Variants in CSMD1 observed in about 807,000 individuals in gnomAD.
CSMD1 encodes the protein CUB and sushi domain-containing protein 1.
CSMD1 carries 213 observed loss-of-function variants against 417.5 expected under a neutral mutation model. The ratio of observed to expected loss-of-function variants is 0.51; its 90% confidence interval spans 0.46 to 0.57. The LOEUF (loss-of-function observed/expected upper bound fraction) is 0.57, where lower values mean the gene tolerates loss of function less well. Among genes scored for constraint, CSMD1 ranks in the 20% least tolerant of loss-of-function variants. The pLI, the probability that CSMD1 is intolerant of heterozygous loss-of-function variation, is 0.00. For missense variants in CSMD1, 6,923 were observed against 4,529.7 expected (o/e 1.53, Z -15.17); for synonymous variants, 2,862 against 1,736.8 (o/e 1.65, Z -16.11).
intron 1 of CSMD1, among the ~76,000 whole-genome samples, chr8:4,763,955 T>C (rs1027621790): frequency 4.6e-5 from 7 of 152,214 alleles, no homozygotes; most frequent in African/African-American, 1.4e-4. Flanking sequence ...ATGCCACTTA[T>C]GACATGTCAA....
intron 1 of CSMD1, among the ~76,000 whole-genome samples, chr8:4,917,919 A>G (rs940052986): frequency 6.6e-6 from 1 of 152,194 alleles, no homozygotes; most frequent in Non-Finnish European, 1.5e-5. Context: ...CTCTTAAGGC[A>G]TTTACAATCA....
At chr8:3,167,887 C>T (rs1166296922) in intron 37 of CSMD1, among the ~76,000 whole-genome samples, 2 of 152,062 alleles carry the variant, frequency 1.3e-5, no homozygotes. Flanking sequence ...CTTAAATCTT[C>T]CAGATAAAAA....
At chr8:4,050,797 G>C (rs1048950171) in intron 3 of CSMD1, among the ~76,000 whole-genome samples, 2 of 152,140 alleles carry the variant, frequency 1.3e-5, no homozygotes, top group African/African-American at 4.8e-5. Context: ...CCCTGAAACG[G>C]TGAATTTACC....
At position 3,099,278 on chromosome 8, in the gene CSMD1, T is replaced by C. The variant is rs117867628; in HGVS notation, c.6950-2241A>G. ...CTACACCCTCCTGTAAGTTCCTTCATCTAGCTACTGCCATAAACGTCACAA... is the reference window on the plus strand; with the variant it reads ...CTACACCCTCCTGTAAGTTCCTTCACCTAGCTACTGCCATAAACGTCACAA... On this transcript the variant is annotated intron_variant, in intron 46 of 69. Transcript: ENST00000635120. Among the ~76,000 whole-genome samples, 46 of 152,268 alleles carry C rather than the reference T, an allele frequency of 3.0e-4. 3 individuals carry two copies. The East Asian group carries it at 8.3e-3, about 27-fold the overall frequency.
chr8:3,217,535 TG>T (rs1005073252), intron 29 of CSMD1, among the ~76,000 whole-genome samples: 43 of 152,122 alleles, frequency 2.8e-4, no homozygotes, highest in Admixed American at 2.0e-4. Context: ...ATGATTTTGT[TG>T]GGGGCGTGGG....
In CSMD1 at chr8:4,758,697, GCAGGTAAGATAAAGAGAGTAAAAAGCC is replaced by G. The variant is rs539569269; in HGVS notation, c.86-121166_86-121140del. Reference sequence around the variant, plus strand: ...AATAGTGGACACATCTTACATGGCAGCAGGTAAGATAAAGAGAGTAAAAAGCCCAGGGGAAACTGCCATTAATGAAAC... The same window carrying G: ...AATAGTGGACACATCTTACATGGCAGCAGGGGAAACTGCCATTAATGAAAC... On this transcript the variant is annotated intron_variant, in intron 1 of 69. Transcript: ENST00000635120. Among the ~76,000 whole-genome samples the G allele has an allele frequency of 1.2e-3, 180 of 152,306 alleles. 2 individuals carry two copies. Among genetic ancestry groups the G allele is most frequent in the African/African-American group, 4.2e-3 (173 of 41,554 alleles).
rs767003325 is a variant in CSMD1, at chr8:3,118,495, C to T, written c.6334G>A (p.Glu2112Lys). 8 of 1,613,752 alleles carry T rather than the reference C, an allele frequency of 5.0e-6. No individual in the cohort carries two copies. The highest frequency in any genetic ancestry group is 4.5e-5 in the East Asian group (2 of 44,880). ...ATTAGAATGTACCCAGGATAACACTCGAAAGATACTGATTGCCCCACGCTG... is the reference window on the plus strand; with the variant it reads ...ATTAGAATGTACCCAGGATAACACTTGAAAGATACTGATTGCCCCACGCTG... ...DYSVGQSVSFECYPGYILIGH... is the reference protein window; with the variant it reads ...DYSVGQSVSFKCYPGYILIGH... The change falls in exon 42 of 70, where the codon GAG becomes AAG. Residue 2112 changes from glutamate to lysine, a missense_variant. Coordinates refer to ENST00000635120, the MANE Select transcript of CSMD1 (RefSeq NM_033225.6).
chr8:3,747,216 T>C (rs1033740699), intron 6 of CSMD1, among the ~76,000 whole-genome samples: 4 of 152,116 alleles, frequency 2.6e-5, no homozygotes, highest in African/African-American at 4.8e-5. Context: ...CCTTAATCTC[T>C]CCATTTCTCG....
At chr8:3,432,884 T>A (rs1814307644) in intron 12 of CSMD1, among the ~76,000 whole-genome samples, 1 of 152,180 alleles carries the variant, frequency 6.6e-6, no homozygotes, top group South Asian at 2.1e-4. Flanking sequence ...ATCAGAGTAA[T>A]GCCTAAACAC....
At chr8:4,461,756 T>G (rs184705637) in intron 2 of CSMD1, among the ~76,000 whole-genome samples, 1 of 147,584 alleles carries the variant, frequency 6.8e-6, no homozygotes, top group Non-Finnish European at 1.5e-5. Flanking sequence ...TTTTTTTTTT[T>G]TGGAGATGGA....
intron 7 of CSMD1, among the ~76,000 whole-genome samples, chr8:3,664,155 T>C (rs1184272642): frequency 6.6e-6 from 1 of 152,138 alleles, no homozygotes; most frequent in Non-Finnish European, 1.5e-5. Context: ...TAACATTAGG[T>C]ATTTCCCCTA....
intron 26 of CSMD1, among the ~76,000 whole-genome samples, chr8:3,282,100 T>C (rs1010088412): frequency 1.3e-5 from 2 of 152,172 alleles, no homozygotes; most frequent in African/African-American, 2.4e-5. Context: ...TAAACCTCTT[T>C]TCTTGATAAA....
Position 4,474,944 on chromosome 8 carries a change from T to C in CSMD1, c.303-54879A>G, listed in dbSNP as rs553581663. The stretch of plus-strand genomic sequence containing the variant: ...ACAAAATGTGTTAATTGACGGTTTG[T>C]GTTATCTGTAAGATTCCTGGTCAAC... On this transcript the variant is annotated intron_variant, in intron 2 of 69. Transcript: ENST00000635120. Among the ~76,000 whole-genome samples the C allele has an allele frequency of 1.5e-3, 226 of 152,340 alleles. 1 individual carries two copies. The highest frequency in any genetic ancestry group is 4.9e-3 in the African/African-American group (204 of 41,578).
chr8:4,027,890 T>A lies in CSMD1; in HGVS notation c.610+4015A>T, dbSNP rs113313077. On this transcript the variant is annotated intron_variant, in intron 4 of 69. Coordinates refer to ENST00000635120, the MANE Select transcript of CSMD1 (RefSeq NM_033225.6). ...TAAAGAGAACAAAGACACAGTAACT[T>A]TGATTTTTTTTCTGAGAGTGAGAAT... Among the ~76,000 whole-genome samples, 248 of 152,276 alleles carry A rather than the reference T, an allele frequency of 1.6e-3. 1 individual carries two copies. The highest frequency in any genetic ancestry group is 5.3e-3 in the African/African-American group (221 of 41,538).
chr8:3,518,871 G>A (rs559584016), intron 10 of CSMD1, among the ~76,000 whole-genome samples: 1 of 152,090 alleles, frequency 6.6e-6, no homozygotes, highest in Non-Finnish European at 1.5e-5. Flanking sequence ...TAACAAGACA[G>A]TCCTATTTAC....
Position 4,256,202 on chromosome 8 carries a change from C to G in CSMD1, c.415+163751G>C, listed in dbSNP as rs574651138. On this transcript the variant is annotated intron_variant, in intron 3 of 69. Coordinates refer to ENST00000635120, the MANE Select transcript of CSMD1 (RefSeq NM_033225.6). ...CCACTTCATTTGTTTGTGATTTGTC[C>G]TTACTCAAAGTAAGTGCATTTGTGC... Among the ~76,000 whole-genome samples the G allele has an allele frequency of 6.6e-5, 10 of 152,284 alleles. No individual in the cohort carries two copies. In the South Asian group the frequency reaches 2.1e-3, roughly 32 times the overall value.
intron 26 of CSMD1, among the ~76,000 whole-genome samples, chr8:3,260,173 G>C (rs1461135698): frequency 1.3e-5 from 2 of 152,068 alleles, no homozygotes; most frequent in African/African-American, 4.8e-5. Flanking sequence ...TAAGCAAATT[G>C]AAAAAGTGCT....
intron 26 of CSMD1, among the ~76,000 whole-genome samples, chr8:3,267,201 A>G (rs1490811635): frequency 6.6e-6 from 1 of 152,148 alleles, no homozygotes; most frequent in Non-Finnish European, 1.5e-5. Flanking sequence ...CAGAATTCCC[A>G]GGTAACAGGA....
chr8:4,816,630 G>A (rs1216065078), intron 1 of CSMD1, among the ~76,000 whole-genome samples: 2 of 152,180 alleles, frequency 1.3e-5, no homozygotes, highest in Admixed American at 1.3e-4. Context: ...GTGAACACCT[G>A]TTCCCGACCG....
Sources: gnomAD v4.1 joint callset for allele counts (sites outside exome capture counted in the v4.1 genomes callset) on GRCh38, gnomAD v4.1.1 for gene constraint, MANE v1.5 for transcripts, NCBI Gene and HGNC (gene_info 2026-07-23, HGNC 2026-07-21) for gene names.